SCUBE3: variants seen among roughly 807,000 people sequenced by gnomAD.
The protein encoded by SCUBE3 is signal peptide, CUB domain and EGF like domain containing 3.
Under a neutral mutation model 116.8 loss-of-function variants are expected in SCUBE3, and 33 were observed. That is an observed-to-expected ratio of 0.28 (90% CI 0.21 to 0.38). SCUBE3 has a LOEUF of 0.38. Among genes scored for constraint, SCUBE3 ranks in the 10% least tolerant of loss-of-function variants. The probability of loss-of-function intolerance (pLI) is 1.00; values close to 1 mark genes in which losing one functional copy is unlikely to be tolerated. For synonymous variants in SCUBE3, 418 were observed against 496.9 expected (o/e 0.84, Z 2.11); for missense variants, 1,007 against 1,324.8 (o/e 0.76, Z 3.72).
rs1784162629 is a variant in SCUBE3, at chr6:35,243,286, C to T, written c.1909+50C>T. 2.0e-6 allele frequency: 3 copies of T among 1,508,202 alleles called. No homozygotes were observed. The highest frequency in any genetic ancestry group is 1.4e-5 in the African/African-American group (1 of 73,208). 93.4% of individuals were successfully genotyped at this position (1,508,202 alleles called of 1,614,324 possible). On this transcript the variant is annotated intron_variant, in intron 15 of 21. Transcript: ENST00000274938. This position sits in a 1 kb window ranked among gnomAD's most constrained non-coding sequence, Gnocchi z 6.6. ...GGATGTAGGAAAGACCCAGTTTGGG[C>T]CTGACTCAGAGCAGGACCCTTTGTG...
intron 1 of SCUBE3, among the ~76,000 whole-genome samples, chr6:35,218,768 C>T (rs1053834361): frequency 1.3e-5 from 2 of 152,146 alleles, no homozygotes; most frequent in Admixed American, 6.5e-5. Context: ...TCCCCTCCCC[C>T]ACTGGCCACT....
Position 35,241,872 on chromosome 6 carries a change from G to T in SCUBE3, c.1379G>T (p.Gly460Val). Residue 460 changes from glycine (G) to valine (V), a missense_variant, in exon 12 of 22, where the codon GGC becomes GTC. Gly to Val is a moderately radical substitution (Grantham distance 109). This residue lies in a region of SCUBE3 where 544 missense variants were observed against 638.9 expected (regional missense o/e 0.85). Coordinates refer to ENST00000274938, the MANE Select transcript of SCUBE3 (RefSeq NM_152753.4). This position sits in a 1 kb window ranked among gnomAD's most constrained non-coding sequence, Gnocchi z 4.1. ...CCCAGGGCTGCTCCAGCCCGAGCTG[G>T]CCACAATGGGAACAGCACCAACTCC... is the stretch of plus-strand genomic sequence containing the variant. ...PSPRAAPARA[G>V]HNGNSTNSNH... is the part of the protein sequence containing the mutation. 1.2e-6 allele frequency: 2 copies of T among 1,611,552 alleles called. No homozygotes were observed. Among genetic ancestry groups the T allele is most frequent in the Non-Finnish European group, 8.5e-7 (1 of 1,179,880 alleles).
rs780765635 is a variant in SCUBE3, at chr6:35,246,209, A to G, written c.2756A>G (p.Asp919Gly). 1.2e-6 allele frequency: 2 copies of G among 1,613,952 alleles called. No individual in the cohort carries two copies. Among genetic ancestry groups the G allele is most frequent in the African/African-American group, 1.3e-5 (1 of 74,912 alleles). ...CTCACCTTGGTTGACTTTGCAGAGGACTATGAGCAGCTGGTAGAAGACATT... is the reference window on the plus strand; with the variant it reads ...CTCACCTTGGTTGACTTTGCAGAGGGCTATGAGCAGCTGGTAGAAGACATT... ...FQIPYVTYDE[D>G]YEQLVEDIVR... The change falls in exon 21 of 22, where the codon GAC (aspartate) becomes GGC (glycine). Residue 919 changes from aspartate (D) to glycine (G), a missense_variant. This residue lies in a region of SCUBE3 where 118 missense variants were observed against 196.6 expected (regional missense o/e 0.60). Coordinates refer to ENST00000274938, the MANE Select transcript of SCUBE3 (RefSeq NM_152753.4).
In SCUBE3 at chr6:35,244,734, G is replaced by A. The variant is rs374053660; in HGVS notation, c.2324G>A (p.Arg775His). ...CAMGSYQPDFRQNFCSRCPGN... is the reference protein window; with the variant it reads ...CAMGSYQPDFHQNFCSRCPGN... ...ATGGGCTCCTATCAGCCCGACTTCC[G>A]TCAGAACTTCTGCAGCCGCTGTCCA... is the stretch of plus-strand genomic sequence containing the variant. Residue 775 changes from arginine to histidine, a missense_variant, in exon 18 of 22, where the codon CGT (arginine) becomes CAT (histidine). Coordinates refer to ENST00000274938, the MANE Select transcript of SCUBE3 (RefSeq NM_152753.4). The surrounding 1 kb of genome is among the most constrained non-coding windows in gnomAD (Gnocchi z 4.3). 2.3e-5 allele frequency: 37 copies of A among 1,614,000 alleles called. No homozygotes were observed. Among genetic ancestry groups the A allele is most frequent in the African/African-American group, 5.3e-5 (4 of 74,908 alleles).
At position 35,233,643 on chromosome 6, in the gene SCUBE3, G is replaced by A. The variant is rs1783640712; in HGVS notation, c.712+342G>A. ...GTAGTTGAGAAGTGGGAAGAGATCT[G>A]GGGAAATGCATCTGCTTAGGCCTGA... On this transcript the variant is annotated intron_variant, in intron 6 of 21. Coordinates refer to ENST00000274938, the MANE Select transcript of SCUBE3 (RefSeq NM_152753.4). The surrounding 1 kb of genome is among the most constrained non-coding windows in gnomAD (Gnocchi z 5.7). 6.6e-6 allele frequency among the ~76,000 whole-genome samples: 1 copy of A among 152,174 alleles called. No homozygotes were observed. The highest frequency in any genetic ancestry group is 2.4e-5 in the African/African-American group (1 of 41,432).
In SCUBE3 at chr6:35,214,533, G is replaced by T; in HGVS notation, c.85+30G>T. The T allele has an allele frequency of 7.3e-7, 1 of 1,372,870 alleles. No homozygotes were observed. The allele number at this position is 1,372,870 out of a possible 1,614,324, so 85.0% of individuals were successfully genotyped here. A position where few individuals can be genotyped will look rare whatever the true frequency, so the allele number is the denominator to read the frequency against. On this transcript the variant is annotated intron_variant, in intron 1 of 21. Coordinates refer to ENST00000274938, the MANE Select transcript of SCUBE3 (RefSeq NM_152753.4). The surrounding 1 kb of genome is among the most constrained non-coding windows in gnomAD (Gnocchi z 6.3). ...GGAAGGAGGGGCGCGCGGCCTGGGG[G>T]CTGTCCTGGCTGCTGGGCCTCAGGG...
rs935556672 is a variant in SCUBE3, at chr6:35,215,156, TATC to T, written c.85+656_85+658del. 1.2e-3 allele frequency among the ~76,000 whole-genome samples: 184 copies of T among 152,318 alleles called. 1 individual carries two copies. The highest frequency in any genetic ancestry group is 4.2e-3 in the African/African-American group (175 of 41,558). ...TTCGTCTTGCATGGCTTTCATTTCT[TATC>T]ATAATATTTATTTATTAAGGCCTCG... On this transcript the variant is annotated intron_variant, in intron 1 of 21. Transcript: ENST00000274938.
rs1041448414 is a variant in SCUBE3 at position 35,251,780 on chromosome 6, C to T, written c.*3075C>T. On this transcript the variant is annotated 3_prime_UTR_variant, in exon 22 of 22. Transcript: ENST00000274938. ...CCTCCAAGTTGGAGGGTTAAGAACC[C>T]AGGCAAAGCTGCTGCTGAATCTATG... is the stretch of plus-strand genomic sequence containing the variant. 2.6e-5 allele frequency: 4 copies of T among 152,312 alleles called. No individual in the cohort carries two copies. In the East Asian group the frequency reaches 7.7e-4, roughly 29 times the overall value. The allele number at this position is 152,312 out of a possible 1,614,324, so 9.4% of individuals were successfully genotyped here.
chr6:35,238,065 C>A, intron 7 of SCUBE3, 47 bp downstream of exon 7: 1 of 1,163,324 alleles, frequency 8.6e-7, no homozygotes, highest in Non-Finnish European at 1.3e-6. Flanking sequence ...TGGTAAGGGG[C>A]TGAGGTTGGG....
chr6:35,245,545 G>C lies in SCUBE3; in HGVS notation c.2599+120G>C, dbSNP rs1243091892. The C allele has an allele frequency of 1.3e-6, 1 of 776,976 alleles. No individual in the cohort carries two copies. Among genetic ancestry groups the C allele is most frequent in the Non-Finnish European group, 2.1e-6 (1 of 465,508 alleles). 48.1% of individuals were successfully genotyped at this position (776,976 alleles called of 1,614,324 possible). A position where few individuals can be genotyped will look rare whatever the true frequency, so the allele number is the denominator to read the frequency against. The stretch of plus-strand genomic sequence containing the variant: ...AGTGAAGTTAGGGATCTATGAGGGT[G>C]AAATAGTGAGAGGCCTTTAGGAAGA... On this transcript the variant is annotated intron_variant, in intron 19 of 21. Transcript: ENST00000274938. The surrounding 1 kb of genome is among the most constrained non-coding windows in gnomAD (Gnocchi z 4.2).
At position 35,245,752 on chromosome 6, in the gene SCUBE3, G is replaced by C. The variant is rs574249050; in HGVS notation, c.2600-192G>C. 6.6e-6 allele frequency among the ~76,000 whole-genome samples: 1 copy of C among 152,288 alleles called. No individual in the cohort carries two copies. The highest frequency in any genetic ancestry group is 2.1e-4 in the South Asian group (1 of 4,818). On this transcript the variant is annotated intron_variant, in intron 19 of 21. Coordinates refer to ENST00000274938, the MANE Select transcript of SCUBE3 (RefSeq NM_152753.4). This position sits in a 1 kb window ranked among gnomAD's most constrained non-coding sequence, Gnocchi z 4.2. ...CACTATGTGAGTGCCCAGGTATCAA[G>C]GAGGAATTGTGGAATGAGCCCAGTG...
chr6:35,240,943 C>G lies in SCUBE3; in HGVS notation c.1070-198C>G, dbSNP rs140730435. On this transcript the variant is annotated intron_variant, in intron 9 of 21. Transcript: ENST00000274938. This position sits in a 1 kb window ranked among gnomAD's most constrained non-coding sequence, Gnocchi z 4.6. ...AAGAATATTTAACAAGAGATCTACC[C>G]TCTTAAGTTTTTAAGTGTACACTAC... Among the ~76,000 whole-genome samples, 2 of 152,194 alleles carry G rather than the reference C, an allele frequency of 1.3e-5. No individual in the cohort carries two copies. Among genetic ancestry groups the G allele is most frequent in the Non-Finnish European group, 2.9e-5 (2 of 68,044 alleles).
rs1236319253 is a variant in SCUBE3, at chr6:35,240,157, G to A, written c.953-217G>A. Among the ~76,000 whole-genome samples, 2 of 152,158 alleles carry A rather than the reference G, an allele frequency of 1.3e-5. No homozygotes were observed. The highest frequency in any genetic ancestry group is 1.5e-5 in the Non-Finnish European group (1 of 68,032). ...CACACATGGTGGGCCCTGACCTAAA[G>A]GCACCAGATCTTGCAGTTCCTAATT... On this transcript the variant is annotated intron_variant, in intron 8 of 21. Transcript: ENST00000274938. The surrounding 1 kb of genome is among the most constrained non-coding windows in gnomAD (Gnocchi z 4.6).
Position 35,243,489 on chromosome 6 carries a change from T to G in SCUBE3, c.1910-105T>G. The G allele has an allele frequency of 8.9e-7, 1 of 1,129,176 alleles. No homozygotes were observed. The highest frequency in any genetic ancestry group is 1.3e-6 in the Non-Finnish European group (1 of 791,028). The allele number at this position is 1,129,176 out of a possible 1,614,324, so 69.9% of individuals were successfully genotyped here. A position where few individuals can be genotyped will look rare whatever the true frequency, so the allele number is the denominator to read the frequency against. On this transcript the variant is annotated intron_variant, in intron 15 of 21. Transcript: ENST00000274938. This position sits in a 1 kb window ranked among gnomAD's most constrained non-coding sequence, Gnocchi z 6.6. ...GATTGTGTTTGTTCCCTGACAGAGA[T>G]TCTCCCTGAATCGGGGGTTGTGGCG...
At chr6:35,247,049 T>C (rs1449417739) in intron 21 of SCUBE3, among the ~76,000 whole-genome samples, 2 of 152,116 alleles carry the variant, frequency 1.3e-5, no homozygotes, top group East Asian at 3.9e-4. Flanking sequence ...ATGTACAGAC[T>C]TCTTTTCAAG....
Position 35,233,345 on chromosome 6 carries a change from G to A in SCUBE3, c.712+44G>A, listed in dbSNP as rs924183376. The A allele has an allele frequency of 8.5e-7, 1 of 1,172,630 alleles. No individual in the cohort carries two copies. The highest frequency in any genetic ancestry group is 1.3e-6 in the Non-Finnish European group (1 of 779,840). 72.6% of individuals were successfully genotyped at this position (1,172,630 alleles called of 1,614,324 possible). A position where few individuals can be genotyped will look rare whatever the true frequency, so the allele number is the denominator to read the frequency against. On this transcript the variant is annotated intron_variant, in intron 6 of 21. Transcript: ENST00000274938. The surrounding 1 kb of genome is among the most constrained non-coding windows in gnomAD (Gnocchi z 5.7). ...GAACTCAGTCCACCTGAGATGGGGT[G>A]GGGGTGGGACCCTTTGGGAACCAGG...
rs1430022206 is a variant in SCUBE3, at chr6:35,228,216, G to A, written c.209-398G>A. ...TCCTAGTTGCATTATAAATTGAAAA[G>A]TAATTTTGTAATACCTACCAGGAAT... is the stretch of plus-strand genomic sequence containing the variant. On this transcript the variant is annotated intron_variant, in intron 2 of 21. Coordinates refer to ENST00000274938, the MANE Select transcript of SCUBE3 (RefSeq NM_152753.4). The surrounding 1 kb of genome is among the most constrained non-coding windows in gnomAD (Gnocchi z 4.9). Among the ~76,000 whole-genome samples the A allele has an allele frequency of 6.6e-6, 1 of 152,210 alleles. No homozygotes were observed. The highest frequency in any genetic ancestry group is 2.4e-5 in the African/African-American group (1 of 41,456).
In SCUBE3 at chr6:35,214,543, C is replaced by A; in HGVS notation, c.85+40C>A. 1 of 1,325,474 alleles carries A rather than the reference C, an allele frequency of 7.5e-7. No individual in the cohort carries two copies. The allele number at this position is 1,325,474 out of a possible 1,614,324, so 82.1% of individuals were successfully genotyped here. On this transcript the variant is annotated intron_variant, in intron 1 of 21. Coordinates refer to ENST00000274938, the MANE Select transcript of SCUBE3 (RefSeq NM_152753.4). This position sits in a 1 kb window ranked among gnomAD's most constrained non-coding sequence, Gnocchi z 6.3. ...GCGCGCGGCCTGGGGGCTGTCCTGG[C>A]TGCTGGGCCTCAGGGCCTAGGAGCG... is the stretch of plus-strand genomic sequence containing the variant.
At chr6:35,215,130 T>A (rs1283177944) in intron 1 of SCUBE3, among the ~76,000 whole-genome samples, 2 of 152,208 alleles carry the variant, frequency 1.3e-5, no homozygotes, top group East Asian at 1.9e-4. Flanking sequence ...GTGAAATCTC[T>A]TTCGTCTTGC....
Sources: allele counts gnomAD v4.1 joint callset (sites outside exome capture counted in the v4.1 genomes callset), GRCh38; gene constraint gnomAD v4.1.1; regional missense constraint gnomAD v4.1.1; non-coding constraint Gnocchi (gnomAD v3.1); transcripts MANE v1.5; gene names NCBI Gene and HGNC (gene_info 2026-07-23, HGNC 2026-07-21).